The following AGBL4 variants were observed in gnomAD, a reference collection of about 807,000 sequenced individuals.
AGBL4 encodes the protein AGBL carboxypeptidase 4, also known as cytosolic carboxypeptidase 6.
AGBL4 carries 58 observed loss-of-function variants against 66.4 expected under a neutral mutation model. The observed-to-expected ratio is 0.87, with a 90% CI of 0.71 to 1.09. The LOEUF (loss-of-function observed/expected upper bound fraction) is 1.09. Ranked by LOEUF, AGBL4 falls within the 50% of genes least tolerant of loss-of-function variation. The probability of loss-of-function intolerance (pLI) is 0.00; values close to 1 mark genes in which losing one functional copy is unlikely to be tolerated. For missense variants in AGBL4, 579 were observed against 631.0 expected, an observed-to-expected ratio of 0.92 and a Z score of 0.88; for synonymous variants, 234 against 222.9, an observed-to-expected ratio of 1.05 and a Z score of -0.44.
intron 3 of AGBL4, among the ~76,000 whole-genome samples, chr1:49,300,094 G>A (rs1052562214): frequency 6.6e-6 from 1 of 152,082 alleles, no homozygotes; most frequent in Admixed American, 6.6e-5. Context: ...ACCTTCTTTT[G>A]CTGACAATTT....
chr1:49,547,590 T>A (rs1652596665), intron 3 of AGBL4, among the ~76,000 whole-genome samples: 1 of 152,212 alleles, frequency 6.6e-6, no homozygotes, highest in Non-Finnish European at 1.5e-5. Context: ...AGATCCCTTT[T>A]GGCAGTATGG....
intron 2 of AGBL4, among the ~76,000 whole-genome samples, chr1:49,721,138 G>A (rs990429025): frequency 4.6e-5 from 7 of 152,082 alleles, no homozygotes; most frequent in African/African-American, 1.7e-4. Context: ...GCACCAATCA[G>A]AAAGATCCTC....
intron 3 of AGBL4, among the ~76,000 whole-genome samples, chr1:49,505,615 C>G (rs1570900234): frequency 6.6e-6 from 1 of 152,112 alleles, no homozygotes; most frequent in East Asian, 1.9e-4. Context: ...CCCTGGAACT[C>G]TCTTCCATGT....
At chr1:49,570,265 C>T (rs1343418859) in intron 3 of AGBL4, among the ~76,000 whole-genome samples, 1 of 152,086 alleles carries the variant, frequency 6.6e-6, no homozygotes, top group Non-Finnish European at 1.5e-5. Context: ...TTAATAATAG[C>T]CATTCTCACT....
intron 4 of AGBL4, among the ~76,000 whole-genome samples, chr1:49,065,720 G>A (rs985737285): frequency 4.6e-5 from 7 of 152,122 alleles, no homozygotes; most frequent in East Asian, 1.9e-4. Flanking sequence ...GAAAATTATC[G>A]AAGCTCCACA....
chr1:48,569,824 A>T (rs1295114842), intron 11 of AGBL4, among the ~76,000 whole-genome samples: 1 of 152,174 alleles, frequency 6.6e-6, no homozygotes, highest in Non-Finnish European at 1.5e-5. Context: ...ACCAAATGGG[A>T]CCATAATGCC....
intron 3 of AGBL4, among the ~76,000 whole-genome samples, chr1:49,608,015 T>TTTATGTGCCAGACCCAG (rs1553235312): frequency 6.6e-6 from 1 of 152,166 alleles, no homozygotes; most frequent in Non-Finnish European, 1.5e-5. Context: ...TCAAATGTCT[T>TTTATGTGCCAGACCCAG]TTATGTGCCA....
chr1:49,856,352 A>T (rs1646432993), intron 1 of AGBL4, among the ~76,000 whole-genome samples: 1 of 152,138 alleles, frequency 6.6e-6, no homozygotes, highest in Non-Finnish European at 1.5e-5. Flanking sequence ...TATTCCAAAA[A>T]GTGAAAGAGA....
intron 3 of AGBL4, among the ~76,000 whole-genome samples, chr1:49,674,962 G>C (rs1390142505): frequency 1.3e-5 from 2 of 152,140 alleles, no homozygotes; most frequent in Non-Finnish European, 2.9e-5. Flanking sequence ...GCTACACTGA[G>C]ATAAGAAATT....
rs548196598 is a variant in AGBL4, at chr1:49,074,514, G to A, written c.378-28714C>T. On this transcript the variant is annotated intron_variant, in intron 4 of 13. Coordinates refer to ENST00000371839, the MANE Select transcript of AGBL4 (RefSeq NM_032785.4). Reference sequence around the variant, plus strand: ...CTGCAGACTGGAGCTGTTCCTATTCGACCATCTTGCCAGAAATCCATGGCT... The same window carrying A: ...CTGCAGACTGGAGCTGTTCCTATTCAACCATCTTGCCAGAAATCCATGGCT... 1.9e-3 allele frequency among the ~76,000 whole-genome samples: 289 copies of A among 152,196 alleles called. 1 individual carries two copies. The highest frequency in any genetic ancestry group is 6.7e-3 in the African/African-American group (279 of 41,526).
At chr1:49,130,460 G>A (rs1645866947) in intron 4 of AGBL4, among the ~76,000 whole-genome samples, 2 of 152,260 alleles carry the variant, frequency 1.3e-5, no homozygotes, top group South Asian at 2.1e-4. Context: ...TAACGTTTAA[G>A]TCTTTAATCC....
chr1:49,732,956 C>G (rs1219566448), intron 2 of AGBL4, among the ~76,000 whole-genome samples: 1 of 151,930 alleles, frequency 6.6e-6, no homozygotes, highest in Non-Finnish European at 1.5e-5. Context: ...TAAACCTAGA[C>G]ACATCATGAG....
At chr1:48,857,714 C>G (rs1286682200) in intron 6 of AGBL4, among the ~76,000 whole-genome samples, 1 of 150,382 alleles carries the variant, frequency 6.6e-6, no homozygotes, top group Non-Finnish European at 1.5e-5. Flanking sequence ...AAGTGAGACT[C>G]TGTCTAAAAA....
intron 11 of AGBL4, among the ~76,000 whole-genome samples, chr1:48,555,871 G>C (rs570783645): frequency 6.6e-6 from 1 of 152,262 alleles, no homozygotes; most frequent in South Asian, 2.1e-4. Context: ...GAGGTGACTG[G>C]ACTAGGAAAA....
At chr1:49,146,394 C>T (rs954271569) in intron 4 of AGBL4, among the ~76,000 whole-genome samples, 1 of 151,338 alleles carries the variant, frequency 6.6e-6, no homozygotes, top group Non-Finnish European at 1.5e-5. Context: ...TAGATATCTA[C>T]AAAAATTAAA....
intron 4 of AGBL4, among the ~76,000 whole-genome samples, chr1:49,083,457 A>G (rs1644842940): frequency 6.6e-6 from 1 of 152,248 alleles, no homozygotes; most frequent in African/African-American, 2.4e-5. Flanking sequence ...GAAGCTGCCA[A>G]GGCTTGGGGC....
At chr1:49,312,111 C>A (rs1644951429) in intron 3 of AGBL4, among the ~76,000 whole-genome samples, 1 of 152,032 alleles carries the variant, frequency 6.6e-6, no homozygotes, top group South Asian at 2.1e-4. Context: ...GTGCCCCCTC[C>A]AAAATTCTTA....
intron 2 of AGBL4, among the ~76,000 whole-genome samples, chr1:49,749,683 T>C (rs946074051): frequency 6.6e-6 from 1 of 152,136 alleles, no homozygotes; most frequent in Non-Finnish European, 1.5e-5. Context: ...ACAGGATACC[T>C]AGAAATAAAT....
intron 2 of AGBL4, among the ~76,000 whole-genome samples, chr1:49,833,213 G>T (rs1571670575): frequency 6.6e-6 from 1 of 152,054 alleles, no homozygotes; most frequent in South Asian, 2.1e-4. Context: ...TCTACATATG[G>T]CTAGCCAGTT....
Sources: allele counts gnomAD v4.1 joint callset (sites outside exome capture counted in the v4.1 genomes callset), GRCh38; gene constraint gnomAD v4.1.1; transcripts MANE v1.5; gene names NCBI Gene and HGNC (gene_info 2026-07-23, HGNC 2026-07-21).